Variants in GPC5 observed in about 807,000 individuals in gnomAD.
The protein encoded by GPC5 is glypican 5, also known as glypican-5.
GPC5 carries 47 observed loss-of-function variants against 53.9 expected under a neutral mutation model. That is an observed-to-expected ratio of 0.87 (90% CI 0.69 to 1.11). The LOEUF is 1.11. GPC5 is among the 50% of genes most tolerant of loss of function. GPC5 has a pLI of 0.00. For missense variants in GPC5, 748 were observed against 713.1 expected, an observed-to-expected ratio of 1.05 and a Z score of -0.56; for synonymous variants, 286 against 263.3, an observed-to-expected ratio of 1.09 and a Z score of -0.84.
intron 5 of GPC5, among the ~76,000 whole-genome samples, chr13:91,827,795 T>C (rs2038597019): frequency 6.6e-6 from 1 of 151,954 alleles, no homozygotes; most frequent in African/African-American, 2.4e-5. Context: ...TTTCTTATAG[T>C]TATACACACC....
At chr13:92,774,893 T>TA (rs1285909513) in intron 7 of GPC5, among the ~76,000 whole-genome samples, 2 of 152,136 alleles carry the variant, frequency 1.3e-5, no homozygotes, top group African/African-American at 2.4e-5. Flanking sequence ...TTTAACATAC[T>TA]AAAAAAAGAT....
chr13:92,554,502 A>G (rs571691700), intron 7 of GPC5, among the ~76,000 whole-genome samples: 1 of 151,694 alleles, frequency 6.6e-6, no homozygotes, highest in African/African-American at 2.4e-5. Flanking sequence ...TAGAGATTAA[A>G]AAAAACATAA....
At chr13:91,523,948 G>T (rs866682301) in intron 2 of GPC5, among the ~76,000 whole-genome samples, 1 of 151,656 alleles carries the variant, frequency 6.6e-6, no homozygotes, top group Non-Finnish European at 1.5e-5. Flanking sequence ...GTTTCTCTTT[G>T]CATGAATATA....
intron 6 of GPC5, among the ~76,000 whole-genome samples, chr13:91,911,435 T>C (rs947598723): frequency 3.9e-5 from 6 of 152,168 alleles, no homozygotes; most frequent in East Asian, 3.9e-4. Flanking sequence ...TCCCAGCTAC[T>C]CAGGAGACTG....
chr13:91,843,222 G>C (rs537844548), intron 5 of GPC5, among the ~76,000 whole-genome samples: 1 of 152,078 alleles, frequency 6.6e-6, no homozygotes, highest in South Asian at 2.1e-4. Flanking sequence ...ACCGCTCTAA[G>C]AAAGACAAAT....
At chr13:91,783,230 G>A (rs537017959) in intron 5 of GPC5, among the ~76,000 whole-genome samples, 26 of 151,688 alleles carry the variant, frequency 1.7e-4, no homozygotes, top group South Asian at 1.0e-3. Context: ...CTCCAGCCTC[G>A]GCAGCAAGAG....
intron 7 of GPC5, among the ~76,000 whole-genome samples, chr13:92,237,725 C>G (rs1380003823): frequency 1.3e-5 from 2 of 152,076 alleles, no homozygotes; most frequent in Non-Finnish European, 2.9e-5. Flanking sequence ...TCAGTGCTTT[C>G]TTAGTTTATT....
intron 7 of GPC5, among the ~76,000 whole-genome samples, chr13:92,453,928 C>A (rs905133322): frequency 6.6e-6 from 1 of 152,140 alleles, no homozygotes; most frequent in Admixed American, 6.5e-5. Context: ...ACAGAAATAT[C>A]CATTGTCGTA....
intron 1 of GPC5, among the ~76,000 whole-genome samples, chr13:91,436,861 C>G (rs1225228322): frequency 2.6e-5 from 4 of 152,178 alleles, no homozygotes. Flanking sequence ...CTGTATGAAT[C>G]TGGGTGCTCC....
At chr13:92,653,481 ATGTATT>A (rs1179150597) in intron 7 of GPC5, among the ~76,000 whole-genome samples, 2 of 152,164 alleles carry the variant, frequency 1.3e-5, no homozygotes, top group Admixed American at 1.3e-4. Context: ...CAAATATCTC[ATGTATT>A]TGTATTTCCT....
At chr13:91,401,165 C>T (rs1202911394) in intron 1 of GPC5, among the ~76,000 whole-genome samples, 1 of 151,892 alleles carries the variant, frequency 6.6e-6, no homozygotes, top group Non-Finnish European at 1.5e-5. Flanking sequence ...TAGATCCACC[C>T]CCCAAAAAAG....
At chr13:91,687,952 C>T (rs557510297) in intron 2 of GPC5, among the ~76,000 whole-genome samples, 1 of 152,082 alleles carries the variant, frequency 6.6e-6, no homozygotes, top group East Asian at 1.9e-4. Flanking sequence ...TGTTCAGCAC[C>T]TTACCTATCT....
chr13:92,741,947 G>T (rs1405116871), intron 7 of GPC5, among the ~76,000 whole-genome samples: 2 of 151,912 alleles, frequency 1.3e-5, no homozygotes, highest in Non-Finnish European at 2.9e-5. Context: ...GTATTCCATG[G>T]TGTATATGTG....
chr13:91,973,256 C>T (rs1018324663), intron 6 of GPC5, among the ~76,000 whole-genome samples: 7 of 152,174 alleles, frequency 4.6e-5, no homozygotes, highest in Non-Finnish European at 1.0e-4. Flanking sequence ...CAGTTGATCT[C>T]ATTGGCTCCT....
At chr13:91,434,425 G>A (rs1174020677) in intron 1 of GPC5, among the ~76,000 whole-genome samples, 2 of 152,108 alleles carry the variant, frequency 1.3e-5, no homozygotes, top group East Asian at 1.9e-4. Flanking sequence ...CATATGGCTA[G>A]CCAGTTTTCC....
chr13:91,795,001 A>G (rs773980996), intron 5 of GPC5, among the ~76,000 whole-genome samples: 10 of 152,204 alleles, frequency 6.6e-5, no homozygotes, highest in Non-Finnish European at 1.3e-4. Context: ...GAGGGAGGAA[A>G]GTTAATTTTA....
At chr13:92,570,502 G>T (rs1295749247) in intron 7 of GPC5, among the ~76,000 whole-genome samples, 3 of 151,930 alleles carry the variant, frequency 2.0e-5, no homozygotes, top group Non-Finnish European at 4.4e-5. Flanking sequence ...AAAAATAAAG[G>T]TTATTTAATT....
chr13:92,821,615 A>G (rs577363072), intron 7 of GPC5, among the ~76,000 whole-genome samples: 174 of 152,282 alleles, frequency 1.1e-3, no homozygotes, highest in African/African-American at 4.0e-3. Context: ...CATTTGCCAC[A>G]GGATGCATTT....
intron 7 of GPC5, among the ~76,000 whole-genome samples, chr13:92,159,902 C>T (rs963479559): frequency 1.4e-5 from 2 of 148,070 alleles, no homozygotes; most frequent in Admixed American, 1.4e-4. Flanking sequence ...GAGCCCGGTC[C>T]CAATGTTCTT....
Sources: gnomAD v4.1 joint callset for allele counts (sites outside exome capture counted in the v4.1 genomes callset) on GRCh38, gnomAD v4.1.1 for gene constraint, MANE v1.5 for transcripts, NCBI Gene and HGNC (gene_info 2026-07-23, HGNC 2026-07-21) for gene names.